ZNF143: variants seen among roughly 807,000 people sequenced by gnomAD.
ZNF143 encodes the protein SPH-binding factor.
In ZNF143, 49 loss-of-function variants were observed where a neutral mutation model predicts 74.1. That is an observed-to-expected ratio of 0.66 (90% confidence interval 0.53 to 0.84). The LOEUF is 0.84. Among genes scored for constraint, ZNF143 ranks in the 40% least tolerant of loss-of-function variants. ZNF143 has a pLI of 0.00. For missense variants in ZNF143, 637 were observed against 793.4 expected, an observed-to-expected ratio of 0.80 and a Z score of 2.37; for synonymous variants, 304 against 282.8, an observed-to-expected ratio of 1.07 and a Z score of -0.75.
At chr11:9,520,663 C>G (rs903944911) in intron 14 of ZNF143, among the ~76,000 whole-genome samples, 4 of 152,152 alleles carry the variant, frequency 2.6e-5, no homozygotes, top group African/African-American at 9.6e-5. Flanking sequence ...GTGGTGTGCA[C>G]CTTTAGTCCC....
rs772640881 is a variant in ZNF143 at position 9,472,751 on chromosome 11, A to C, written c.187A>C (p.Ile63Leu). 1.3e-6 allele frequency: 2 copies of C among 1,588,836 alleles called. No individual in the cohort carries two copies. Among genetic ancestry groups the C allele is most frequent in the Non-Finnish European group, 1.7e-6 (2 of 1,170,962 alleles). ...VTLADGSTAY[I>L]QHNSKDAKLI... is the part of the protein sequence containing the mutation. Reference sequence around the variant, plus strand: ...ACTTGCAGATGGTTCTACTGCTTACATACAACACAATTCTAAAGGTATGTG... The same window carrying C: ...ACTTGCAGATGGTTCTACTGCTTACCTACAACACAATTCTAAAGGTATGTG... The change falls in exon 3 of 16, where the codon ATA (isoleucine) becomes CTA (leucine). Residue 63 changes from isoleucine to leucine, a missense_variant. Ile to Leu is a conservative substitution (Grantham distance 5). Transcript: ENST00000396602.
intron 10 of ZNF143, 129 bp from the exon 11 acceptor site, chr11:9,500,962 C>T: frequency 1.8e-6 from 2 of 1,096,340 alleles, no homozygotes; most frequent in Admixed American, 5.5e-5. Flanking sequence ...CAAAAAAATG[C>T]CTGAAAGGGA....
chr11:9,493,357 A>G (rs1035936830), intron 7 of ZNF143, among the ~76,000 whole-genome samples: 1 of 152,172 alleles, frequency 6.6e-6, no homozygotes, highest in South Asian at 2.1e-4. Flanking sequence ...GGTGTGAGCC[A>G]CTGCGCCTGG....
chr11:9,486,388 A>ATATATAT lies in ZNF143; in HGVS notation c.645+6843_645+6849dup, dbSNP rs1491191975. Among the ~76,000 whole-genome samples, 95 of 18,466 alleles carry ATATATAT rather than the reference A, an allele frequency of 5.1e-3. 8 individuals are homozygous for ATATATAT. Among genetic ancestry groups the ATATATAT allele is most frequent in the African/African-American group, 0.02 (91 of 4,648 alleles). The allele number at this position is 18,466 out of a possible 152,430, so 12.1% of individuals were successfully genotyped here. ...TTATATATAATATATTATATATATA[A>ATATATAT]TATATATAATATATTATATATATAA... On this transcript the variant is annotated intron_variant, in intron 7 of 15. Coordinates refer to ENST00000396602, the MANE Select transcript of ZNF143 (RefSeq NM_003442.6).
intron 8 of ZNF143, 149 bp from the exon 9 acceptor site, chr11:9,496,154 G>A (rs1339795461): frequency 1.6e-6 from 1 of 644,448 alleles, no homozygotes. Context: ...GAACTATTGG[G>A]CTATCGTTTT....
chr11:9,501,629 T>TG (rs1458134330), intron 11 of ZNF143, among the ~76,000 whole-genome samples: 2 of 152,056 alleles, frequency 1.3e-5, no homozygotes, highest in African/African-American at 4.8e-5. Context: ...AGAAGCATTT[T>TG]GGGAGGGGTT....
At chr11:9,515,348 G>A (rs1190623367) in intron 13 of ZNF143, among the ~76,000 whole-genome samples, 1 of 151,292 alleles carries the variant, frequency 6.6e-6, no homozygotes, top group African/African-American at 2.4e-5. Flanking sequence ...AGGAGGAAAT[G>A]CAATTAAGAA....
intron 13 of ZNF143, 64 bp downstream of exon 13, chr11:9,512,660 C>A: frequency 6.3e-7 from 1 of 1,597,390 alleles, no homozygotes; most frequent in Non-Finnish European, 8.6e-7. Flanking sequence ...GAAAGGCAGG[C>A]TGGGTCCCCA....
intron 13 of ZNF143, 98 bp from the exon 14 acceptor site, chr11:9,516,103 C>T: frequency 9.0e-7 from 1 of 1,108,428 alleles, no homozygotes; most frequent in Admixed American, 2.3e-5. Context: ...TTTACATCCA[C>T]AGGGCAAACT....
chr11:9,489,849 A>T (rs896162840), intron 7 of ZNF143, among the ~76,000 whole-genome samples: 4 of 152,144 alleles, frequency 2.6e-5, no homozygotes, highest in African/African-American at 4.8e-5. Context: ...CTTGATGCCA[A>T]TTCTACTAAA....
intron 14 of ZNF143, among the ~76,000 whole-genome samples, chr11:9,521,115 C>T (rs1034171321): frequency 3.9e-5 from 6 of 152,264 alleles, no homozygotes; most frequent in South Asian, 2.1e-4. Context: ...CAGAGGAACA[C>T]GTTTGTTACT....
intron 11 of ZNF143, among the ~76,000 whole-genome samples, chr11:9,508,026 A>G (rs190521421): frequency 6.6e-6 from 1 of 152,180 alleles, no homozygotes; most frequent in Non-Finnish European, 1.5e-5. Flanking sequence ...AATGTTCTCA[A>G]GCTGTTTCAT....
chr11:9,496,211 T>G, intron 8 of ZNF143, 92 bp from the exon 9 acceptor site: 1 of 1,080,422 alleles, frequency 9.3e-7, no homozygotes, highest in Middle Eastern at 2.0e-4. Flanking sequence ...ACAAAATCAT[T>G]TAGCAGTGTG....
intron 14 of ZNF143, among the ~76,000 whole-genome samples, chr11:9,517,432 A>T (rs1848763314): frequency 1.3e-5 from 2 of 152,182 alleles, no homozygotes; most frequent in Non-Finnish European, 2.9e-5. Context: ...TAGATATGCT[A>T]GATAAATTCC....
At chr11:9,523,509 G>C (rs575999448) in intron 14 of ZNF143, among the ~76,000 whole-genome samples, 2 of 151,996 alleles carry the variant, frequency 1.3e-5, no homozygotes, top group Non-Finnish European at 2.9e-5. Context: ...TGAGGCGGGC[G>C]GATCACGAGG....
chr11:9,479,998 G>T (rs190564906), intron 7 of ZNF143, among the ~76,000 whole-genome samples: 1 of 152,136 alleles, frequency 6.6e-6, no homozygotes, highest in Non-Finnish European at 1.5e-5. Flanking sequence ...AACTTCTGAA[G>T]GGAGAGTCCA....
At chr11:9,527,503 C>T (rs767060891) in intron 15 of ZNF143, 27 bp from the exon 16 acceptor site, 13 of 1,605,380 alleles carry the variant, frequency 8.1e-6, no homozygotes, top group East Asian at 6.7e-5. Flanking sequence ...GAATTGTTAG[C>T]GTTTGATGTG....
At chr11:9,470,612 T>C (rs779202559) in intron 1 of ZNF143, among the ~76,000 whole-genome samples, 108 of 152,242 alleles carry the variant, frequency 7.1e-4, no homozygotes, top group South Asian at 4.1e-3. Flanking sequence ...AAAATGCCAA[T>C]GTGGCTGAAG....
rs149187562 is a variant in ZNF143 at position 9,489,721 on chromosome 11, G to A, written c.646-4925G>A. 2.6e-3 allele frequency among the ~76,000 whole-genome samples: 394 copies of A among 152,248 alleles called. 1 individual carries two copies. Among genetic ancestry groups the A allele is most frequent in the African/African-American group, 9.2e-3 (380 of 41,530 alleles). On this transcript the variant is annotated intron_variant, in intron 7 of 15. Transcript: ENST00000396602. Reference sequence around the variant, plus strand: ...CTTAGTTTGGCAGATGTGGAAAGCTGGTAAGCACTTTCATTTCATAGTGCT... The same window carrying A: ...CTTAGTTTGGCAGATGTGGAAAGCTAGTAAGCACTTTCATTTCATAGTGCT...
Sources: allele counts gnomAD v4.1 joint callset (sites outside exome capture counted in the v4.1 genomes callset), GRCh38; gene constraint gnomAD v4.1.1; transcripts MANE v1.5; gene names NCBI Gene and HGNC (gene_info 2026-07-23, HGNC 2026-07-21).